Variants in XRRA1 observed in about 807,000 individuals in gnomAD.
The protein encoded by XRRA1 is X-ray radiation resistance associated 1.
In XRRA1, 69 loss-of-function variants were observed where a neutral mutation model predicts 80.2. The observed-to-expected ratio is 0.86, with a 90% CI of 0.71 to 1.05. The LOEUF is 1.05. XRRA1 is among the 50% of genes least tolerant of loss of function. The pLI is 0.00. For synonymous variants in XRRA1, 348 were observed against 389.9 expected, an observed-to-expected ratio of 0.89 and a Z score of 1.27; for missense variants, 967 against 976.4, an observed-to-expected ratio of 0.99 and a Z score of 0.13.
intron 18 of XRRA1, 121 bp from the exon 19 acceptor site, chr11:74,843,574 G>A: frequency 7.1e-7 from 1 of 1,398,708 alleles, no homozygotes; most frequent in Admixed American, 2.4e-5. Flanking sequence ...GGATGCTAAG[G>A]GGCTAAAAAT....
chr11:74,871,723 G>A (rs1327737672), intron 10 of XRRA1, among the ~76,000 whole-genome samples: 1 of 152,050 alleles, frequency 6.6e-6, no homozygotes, highest in Non-Finnish European at 1.5e-5. Flanking sequence ...ACCCCTGCAG[G>A]AAATGACCAA....
At chr11:74,941,730 G>A (rs1946372967) in intron 2 of XRRA1, among the ~76,000 whole-genome samples, 1 of 152,142 alleles carries the variant, frequency 6.6e-6, no homozygotes, top group South Asian at 2.1e-4. Flanking sequence ...GGCACCCAGT[G>A]GCAACTGGGA....
intron 8 of XRRA1, chr11:74,911,194 T>C (rs1366988293): frequency 6.6e-6 from 1 of 152,174 alleles, no homozygotes; most frequent in African/African-American, 2.4e-5. Context: ...TCTAGATAGA[T>C]GAGTGGGAAG....
At chr11:74,940,704 G>A in intron 3 of XRRA1, 81 bp downstream of exon 3, 1 of 1,166,142 alleles carries the variant, frequency 8.6e-7, no homozygotes, top group Non-Finnish European at 1.2e-6. Context: ...GAAGGGGTTG[G>A]AGAAGAACAA....
chr11:74,845,121 C>A lies in XRRA1; in HGVS notation c.1879G>T (p.Glu627Ter). Residue 627 changes from glutamate to a stop codon, truncating the protein, a stop_gained, in exon 16 of 19, where the codon GAA (glutamate) becomes TAA (stop). Coordinates refer to ENST00000684022, the MANE Select transcript of XRRA1 (RefSeq NM_001378157.1). LOFTEE classifies it high-confidence loss of function. Reference sequence around the variant, plus strand: ...TCAGGCTTGGCTGTCAGCAGTTCTTCATAGCCGTGGTACTTGCTGGGAAGG... The same window carrying A: ...TCAGGCTTGGCTGTCAGCAGTTCTTAATAGCCGTGGTACTTGCTGGGAAGG... ...AFLPSKYHGYEELLTAKPDPA... is the reference protein window; with the variant it reads ...AFLPSKYHGY The A allele has an allele frequency of 6.2e-7, 1 of 1,614,026 alleles. No homozygotes were observed. Among genetic ancestry groups the A allele is most frequent in the Non-Finnish European group, 8.5e-7 (1 of 1,179,908 alleles).
rs769955860 is a variant in XRRA1, at chr11:74,844,159, G to GA, written c.2043+8dup. On this transcript the variant is annotated intron_variant, in intron 17 of 18. Coordinates refer to ENST00000684022, the MANE Select transcript of XRRA1 (RefSeq NM_001378157.1). ...GGCCATTTACACATTCAGTGAGCTGGATGTTTACCCGTTTCTCTTTGTGAA... is the reference window on the plus strand; with the variant it reads ...GGCCATTTACACATTCAGTGAGCTGGAATGTTTACCCGTTTCTCTTTGTGAA... 13 of 1,606,870 alleles carry GA rather than the reference G, an allele frequency of 8.1e-6. No individual in the cohort carries two copies. The East Asian group carries it at 1.3e-4, about 17-fold the overall frequency.
At chr11:74,894,604 T>A (rs60858697) in intron 10 of XRRA1, among the ~76,000 whole-genome samples, 8,816 of 152,062 alleles carry the variant, frequency 0.058, 872 homozygotes, top group African/African-American at 0.2. Context: ...ACACTTAACA[T>A]AACTATCAGA....
Position 74,840,921 on chromosome 11 carries a change from C to G in XRRA1, c.*2279G>C, listed in dbSNP as rs1374939034. The G allele has an allele frequency of 6.6e-6, 1 of 151,710 alleles. No individual in the cohort carries two copies. The highest frequency in any genetic ancestry group is 6.6e-5 in the Admixed American group (1 of 15,216). The allele number at this position is 151,710 out of a possible 1,614,324, so 9.4% of individuals were successfully genotyped here. A position where few individuals can be genotyped will look rare whatever the true frequency, so the allele number is the denominator to read the frequency against. On this transcript the variant is annotated 3_prime_UTR_variant, in exon 19 of 19. Transcript: ENST00000684022. ...GACACACGCACCAATGATGGGGATA[C>G]CCCCAAATGATTTAGGAGGTTATTT...
chr11:74,937,177 A>T (rs1945200327), intron 3 of XRRA1, 109 bp from the exon 4 acceptor site: 2 of 1,142,612 alleles, frequency 1.8e-6, no homozygotes, highest in Non-Finnish European at 2.4e-6. Context: ...CTGATTATCT[A>T]ACATGCACCA....
At chr11:74,861,621 G>A (rs2042325284) in intron 11 of XRRA1, among the ~76,000 whole-genome samples, 1 of 152,184 alleles carries the variant, frequency 6.6e-6, no homozygotes, top group Non-Finnish European at 1.5e-5. Context: ...CAGAAATAAA[G>A]TACATAATAA....
intron 3 of XRRA1, among the ~76,000 whole-genome samples, chr11:74,940,238 C>T (rs1352763681): frequency 1.3e-5 from 2 of 152,146 alleles, no homozygotes; most frequent in African/African-American, 2.4e-5. Context: ...TGAAAATCTA[C>T]CTGGCAGAGT....
intron 12 of XRRA1, among the ~76,000 whole-genome samples, chr11:74,855,170 T>C (rs555304637): frequency 6.6e-6 from 1 of 152,230 alleles, no homozygotes; most frequent in Non-Finnish European, 1.5e-5. Flanking sequence ...CTGCTGCCAT[T>C]ATCTAGACTT....
intron 10 of XRRA1, among the ~76,000 whole-genome samples, chr11:74,890,331 T>C (rs1267050343): frequency 6.6e-6 from 1 of 152,144 alleles, no homozygotes; most frequent in Non-Finnish European, 1.5e-5. Context: ...AAGGCAGAAA[T>C]AAAGATGTTC....
chr11:74,869,655 G>A (rs780169623), intron 10 of XRRA1, among the ~76,000 whole-genome samples: 37 of 152,118 alleles, frequency 2.4e-4, no homozygotes, highest in South Asian at 6.2e-4. Flanking sequence ...GTATGGGGGC[G>A]ACCATTTTTT....
chr11:74,878,466 A>T (rs1241985827), intron 10 of XRRA1, among the ~76,000 whole-genome samples: 1 of 152,124 alleles, frequency 6.6e-6, no homozygotes, highest in Non-Finnish European at 1.5e-5. Context: ...TCTTTAGTTT[A>T]ATCAGATCCC....
At chr11:74,878,277 G>A (rs1590896563) in intron 10 of XRRA1, among the ~76,000 whole-genome samples, 1 of 151,422 alleles carries the variant, frequency 6.6e-6, no homozygotes, top group Non-Finnish European at 1.5e-5. Flanking sequence ...AGAAGTGTCT[G>A]TTCATATCCT....
chr11:74,866,644 T>A (rs2043472715), intron 10 of XRRA1, among the ~76,000 whole-genome samples: 3 of 130,148 alleles, frequency 2.3e-5, no homozygotes, highest in African/African-American at 6.1e-5. Flanking sequence ...AACAAGGAGA[T>A]TGAAATAATT....
chr11:74,947,440 A>T (rs2140141845), intron 1 of XRRA1, among the ~76,000 whole-genome samples: 1 of 152,230 alleles, frequency 6.6e-6, no homozygotes, highest in Non-Finnish European at 1.5e-5. Flanking sequence ...TGGGAGGCTG[A>T]GGCACAAGAA....
chr11:74,894,550 A>C (rs2051722148), intron 10 of XRRA1, among the ~76,000 whole-genome samples: 1 of 152,200 alleles, frequency 6.6e-6, no homozygotes, highest in South Asian at 2.1e-4. Flanking sequence ...CACCTTCTTC[A>C]CAAGGTGGCA....
Sources: allele counts gnomAD v4.1 joint callset (sites outside exome capture counted in the v4.1 genomes callset), GRCh38; gene constraint gnomAD v4.1.1; transcripts MANE v1.5; gene names NCBI Gene and HGNC (gene_info 2026-07-23, HGNC 2026-07-21).